The following DNAH5 variants were observed in gnomAD, a reference collection of about 807,000 sequenced individuals.
The protein encoded by DNAH5 is dynein axonemal heavy chain 5, also known as axonemal beta dynein heavy chain 5.
DNAH5 carries 372 observed loss-of-function variants against 518.2 expected under a neutral mutation model. The ratio of observed to expected loss-of-function variants is 0.72; its 90% confidence interval spans 0.66 to 0.78. The LOEUF (loss-of-function observed/expected upper bound fraction) is 0.78, where lower values mean the gene tolerates loss of function less well. Ranked by LOEUF, DNAH5 falls within the 30% of genes least tolerant of loss-of-function variation. DNAH5 has a pLI of 0.00. For missense variants in DNAH5, 5,523 were observed against 5,687.0 expected (o/e 0.97, Z 0.93); for synonymous variants, 2,039 against 2,025.9 (o/e 1.01, Z -0.17).
chr5:13,756,047 C>A (rs146690830), intron 61 of DNAH5, among the ~76,000 whole-genome samples: 14 of 151,484 alleles, frequency 9.2e-5, no homozygotes, highest in Non-Finnish European at 2.9e-5. Flanking sequence ...CTGAGTAGTA[C>A]CCCCCTCCTC....
intron 70 of DNAH5, among the ~76,000 whole-genome samples, chr5:13,724,508 G>A (rs1745462965): frequency 6.6e-6 from 1 of 152,172 alleles, no homozygotes; most frequent in African/African-American, 2.4e-5. Context: ...TAAGACTTTA[G>A]GGGACAGTTA....
chr5:14,005,780 A>G lies in DNAH5; in HGVS notation c.12+5868T>C, dbSNP rs534554883. Among the ~76,000 whole-genome samples, 21 of 152,384 alleles carry G rather than the reference A, an allele frequency of 1.4e-4. No individual in the cohort carries two copies. The South Asian group carries it at 4.3e-3, about 32-fold the overall frequency. On this transcript the variant is annotated intron_variant, in intron 1 of 78. Transcript: ENST00000681290. ...GAGGAAACTCCATGAACAAAAGCAC[A>G]CAGATAATTTTCTAGCATGGAAAAG...
chr5:13,826,585 G>A (rs1177509295), intron 38 of DNAH5, among the ~76,000 whole-genome samples: 1 of 152,188 alleles, frequency 6.6e-6, no homozygotes, highest in African/African-American at 2.4e-5. Flanking sequence ...ACCACATGAA[G>A]AAGAATGTGT....
chr5:13,853,742 C>T (rs1767217627), intron 30 of DNAH5, among the ~76,000 whole-genome samples: 1 of 151,112 alleles, frequency 6.6e-6, no homozygotes, highest in South Asian at 2.1e-4. Context: ...GTATCAATAC[C>T]CAAATTGATC....
chr5:13,870,373 G>C (rs1027153640), intron 24 of DNAH5, among the ~76,000 whole-genome samples: 4 of 152,102 alleles, frequency 2.6e-5, no homozygotes, highest in African/African-American at 9.7e-5. Flanking sequence ...ACTGACTTAG[G>C]AGTAGAAAGG....
chr5:13,991,806 T>C (rs1349444116), intron 1 of DNAH5, among the ~76,000 whole-genome samples: 10 of 152,154 alleles, frequency 6.6e-5, no homozygotes, highest in Non-Finnish European at 1.3e-4. Flanking sequence ...GGAAGAGAAC[T>C]ATTTCTTTTT....
In DNAH5 at chr5:13,901,472, T is replaced by TTCTGCTTTG; in HGVS notation, c.1823_1831dup (p.Thr608_Gln610dup). Reference sequence around the variant, plus strand: ...GTTTCGAGCCAGAGGAGGATCGTATTTCTGCTTTGTATACAGCTTTGAAAT... The same window carrying TTCTGCTTTG: ...GTTTCGAGCCAGAGGAGGATCGTATTTCTGCTTTGTCTGCTTTGTATACAGCTTTGAAAT... On this transcript the variant is annotated inframe_insertion, in exon 14 of 79. Transcript: ENST00000265104. 6.2e-7 allele frequency: 1 copy of TTCTGCTTTG among 1,613,988 alleles called. No homozygotes were observed. Among genetic ancestry groups the TTCTGCTTTG allele is most frequent in the Non-Finnish European group, 8.5e-7 (1 of 1,180,016 alleles).
chr5:13,971,970 A>G (rs1335331305), intron 1 of DNAH5, among the ~76,000 whole-genome samples: 1 of 152,128 alleles, frequency 6.6e-6, no homozygotes, highest in Non-Finnish European at 1.5e-5. Context: ...GTCTGAGCTC[A>G]GACTCTCCTT....
intron 6 of DNAH5, among the ~76,000 whole-genome samples, chr5:13,920,156 T>C (rs1333391448): frequency 2.6e-5 from 4 of 152,208 alleles, no homozygotes; most frequent in African/African-American, 4.8e-5. Flanking sequence ...AAGCTCCCTT[T>C]TGGAGGACAT....
chr5:13,858,164 A>G (rs997251980), intron 30 of DNAH5, among the ~76,000 whole-genome samples: 6 of 152,196 alleles, frequency 3.9e-5, no homozygotes, highest in Non-Finnish European at 5.9e-5. Flanking sequence ...ACTTGGAACC[A>G]ACCCAAATGC....
chr5:13,859,000 A>AT (rs1326219680), intron 30 of DNAH5, among the ~76,000 whole-genome samples: 3 of 151,992 alleles, frequency 2.0e-5, no homozygotes, highest in Admixed American at 6.6e-5. Flanking sequence ...TGTTTTGGAG[A>AT]TTTTTTCTGC....
chr5:13,944,236 C>T (rs947274934), intron 1 of DNAH5, 146 bp downstream of exon 1: 2 of 804,294 alleles, frequency 2.5e-6, no homozygotes, highest in African/African-American at 3.4e-5. Context: ...AGCCTATGCA[C>T]CAGGTGAACA....
chr5:13,951,850 TA>T (rs1780440149), intron 1 of DNAH5, among the ~76,000 whole-genome samples: 1 of 152,166 alleles, frequency 6.6e-6, no homozygotes, highest in Non-Finnish European at 1.5e-5. Flanking sequence ...AAGTAAAAAG[TA>T]GAGTTAGGTT....
chr5:13,814,954 T>C, intron 42 of DNAH5, 108 bp from the exon 43 acceptor site: 1 of 1,076,912 alleles, frequency 9.3e-7, no homozygotes, highest in Non-Finnish European at 1.3e-6. Context: ...GTAATTTTCA[T>C]TAATTTTTAA....
At chr5:13,974,606 C>T (rs1782106234) in intron 1 of DNAH5, among the ~76,000 whole-genome samples, 1 of 152,086 alleles carries the variant, frequency 6.6e-6, no homozygotes, top group East Asian at 1.9e-4. Flanking sequence ...GCTATAAGTC[C>T]CATCCATCCT....
intron 1 of DNAH5, among the ~76,000 whole-genome samples, chr5:13,970,209 G>T (rs770074565): frequency 3.9e-5 from 6 of 152,166 alleles, no homozygotes; most frequent in Admixed American, 6.5e-5. Flanking sequence ...GTCTCTTGAA[G>T]ATAAGAGATA....
At chr5:13,751,999 T>C (rs758010857) in intron 64 of DNAH5, 135 bp downstream of exon 64, 8 of 892,692 alleles carry the variant, frequency 9.0e-6, no homozygotes, top group Non-Finnish European at 1.3e-5. Context: ...AGTCAAGAAG[T>C]GTAGAAGAGA....
intron 41 of DNAH5, among the ~76,000 whole-genome samples, chr5:13,818,750 C>T (rs1447405459): frequency 6.6e-6 from 1 of 152,136 alleles, no homozygotes; most frequent in Non-Finnish European, 1.5e-5. Flanking sequence ...AATACAGAAC[C>T]TGACAGATCT....
At chr5:13,895,514 G>A (rs1773795519) in intron 15 of DNAH5, among the ~76,000 whole-genome samples, 1 of 152,070 alleles carries the variant, frequency 6.6e-6, no homozygotes, top group Admixed American at 6.5e-5. Context: ...CTGCTCCTCT[G>A]GGGACCTCTT....
Sources: allele counts gnomAD v4.1 joint callset (sites outside exome capture counted in the v4.1 genomes callset), GRCh38; gene constraint gnomAD v4.1.1; transcripts MANE v1.5; gene names NCBI Gene and HGNC (gene_info 2026-07-23, HGNC 2026-07-21).